Variants in AGBL1 observed in about 807,000 individuals in gnomAD.
The protein encoded by AGBL1 is AGBL carboxypeptidase 1, also known as cytosolic carboxypeptidase 4.
In AGBL1, 130 loss-of-function variants were observed where a neutral mutation model predicts 118.9. That is an observed-to-expected ratio of 1.09 (90% CI 0.95 to 1.26). The LOEUF is 1.26. Ranked by LOEUF, AGBL1 falls within the 50% of genes most tolerant of loss-of-function variation. The pLI, the probability that AGBL1 is intolerant of heterozygous loss-of-function variation, is 0.00. For missense variants in AGBL1, 1,584 were observed against 1,298.1 expected, an observed-to-expected ratio of 1.22 and a Z score of -3.38; for synonymous variants, 555 against 478.9, an observed-to-expected ratio of 1.16 and a Z score of -2.08.
At chr15:86,185,963 C>G (rs1253721883) in intron 5 of AGBL1, among the ~76,000 whole-genome samples, 5 of 151,996 alleles carry the variant, frequency 3.3e-5, no homozygotes, top group Admixed American at 6.6e-5. Flanking sequence ...AATTTTTTTT[C>G]TCTCTCAAGT....
chr15:86,744,665 C>G (rs1415733708), intron 22 of AGBL1, among the ~76,000 whole-genome samples: 1 of 152,118 alleles, frequency 6.6e-6, no homozygotes, highest in South Asian at 2.1e-4. Context: ...TAGATCAGCT[C>G]TCCCTTCCCC....
intron 22 of AGBL1, among the ~76,000 whole-genome samples, chr15:86,765,592 C>T (rs898432468): frequency 1.6e-4 from 24 of 152,020 alleles, no homozygotes; most frequent in African/African-American, 5.8e-4. Context: ...TTACGATTCC[C>T]TGGAGCTTTA....
chr15:86,506,018 A>G lies in AGBL1; in HGVS notation c.2556-16792A>G, dbSNP rs530666855. 2.0e-5 allele frequency among the ~76,000 whole-genome samples: 3 copies of G among 152,186 alleles called. No individual in the cohort carries two copies. In the South Asian group the frequency reaches 6.2e-4, roughly 32 times the overall value. ...CAGCCATTAAAGTCTTTGCTTGGCT[A>G]GCTTAGTGGTCTTCTAATGATTAGA... On this transcript the variant is annotated intron_variant, in intron 18 of 22. Coordinates refer to ENST00000614907, the MANE Select transcript of AGBL1 (RefSeq NM_001386094.1).
chr15:86,371,600 T>G (rs1432312140), intron 17 of AGBL1, among the ~76,000 whole-genome samples: 1 of 152,150 alleles, frequency 6.6e-6, no homozygotes, highest in East Asian at 1.9e-4. Flanking sequence ...TTATACGTCA[T>G]TATTATGTGT....
At chr15:86,892,648 C>T (rs2080068217) in intron 22 of AGBL1, among the ~76,000 whole-genome samples, 1 of 152,130 alleles carries the variant, frequency 6.6e-6, no homozygotes, top group Non-Finnish European at 1.5e-5. Flanking sequence ...TGGCCAAGCA[C>T]CTGGCACACA....
intron 19 of AGBL1, among the ~76,000 whole-genome samples, chr15:86,534,112 TAAAAAAAAAAAA>T (rs61563504): frequency 1.0e-5 from 1 of 96,520 alleles, no homozygotes; most frequent in South Asian, 4.1e-4. Flanking sequence ...TAAAGTATAA[TAAAAAAAAAAAA>T]AAAAAAAAAA....
At chr15:86,994,911 G>A (rs761039970) in intron 24 of AGBL1, among the ~76,000 whole-genome samples, 4 of 152,124 alleles carry the variant, frequency 2.6e-5, no homozygotes, top group Non-Finnish European at 5.9e-5. Flanking sequence ...GACCCATACA[G>A]TAAAATATGA....
Position 86,264,567 on chromosome 15 carries a change from G to A in AGBL1, c.1396G>A (p.Asp466Asn), listed in dbSNP as rs1035455281. The A allele has an allele frequency of 1.2e-6, 2 of 1,613,930 alleles. No individual in the cohort carries two copies. Among genetic ancestry groups the A allele is most frequent in the African/African-American group, 1.3e-5 (1 of 74,944 alleles). Residue 466 changes from aspartate (D) to asparagine (N), a missense_variant, in exon 11 of 23, where the codon GAT becomes AAT. Asp to Asn is a conservative substitution (Grantham distance 23). Transcript: ENST00000614907. ...IPDIQASPKA[D>N]AWDVDAIFCP... ...TGACATTCAGGCTTCCCCGAAAGCAGATGCCTGGGACGTAGATGCAATTTT... is the reference window on the plus strand; with the variant it reads ...TGACATTCAGGCTTCCCCGAAAGCAAATGCCTGGGACGTAGATGCAATTTT...
chr15:86,975,120 T>C (rs72757463), intron 23 of AGBL1, among the ~76,000 whole-genome samples: 4 of 151,924 alleles, frequency 2.6e-5, no homozygotes, highest in Non-Finnish European at 4.4e-5. Flanking sequence ...AGAGATAAAA[T>C]GTCCCACAGT....
intron 21 of AGBL1, among the ~76,000 whole-genome samples, chr15:86,565,012 T>G (rs2083890724): frequency 6.6e-6 from 1 of 152,234 alleles, no homozygotes. Context: ...CTACACTAGT[T>G]ATTCTAGTTA....
intron 17 of AGBL1, among the ~76,000 whole-genome samples, chr15:86,343,993 C>T (rs1380128506): frequency 6.6e-6 from 1 of 152,194 alleles, no homozygotes; most frequent in African/African-American, 2.4e-5. Flanking sequence ...ACCTATATTT[C>T]ACAAGGTAGC....
chr15:86,142,525 C>T (rs890415896), intron 2 of AGBL1, among the ~76,000 whole-genome samples: 18 of 152,222 alleles, frequency 1.2e-4, no homozygotes, highest in Admixed American at 4.6e-4. Flanking sequence ...TGCTTCTATT[C>T]GCTCAAGTTC....
intron 22 of AGBL1, among the ~76,000 whole-genome samples, chr15:86,680,575 T>C (rs1160342041): frequency 7.1e-6 from 1 of 141,808 alleles, no homozygotes; most frequent in African/African-American, 2.6e-5. Context: ...CTTTTTTTTT[T>C]TTTTTTTTTT....
intron 18 of AGBL1, among the ~76,000 whole-genome samples, chr15:86,465,525 C>G (rs974081679): frequency 2.0e-5 from 3 of 152,108 alleles, no homozygotes; most frequent in African/African-American, 7.2e-5. Context: ...TTTCAGAAAG[C>G]GAATAGGAGA....
intron 22 of AGBL1, among the ~76,000 whole-genome samples, chr15:86,694,542 C>G (rs953598068): frequency 6.6e-6 from 1 of 151,980 alleles, no homozygotes; most frequent in African/African-American, 2.4e-5. Context: ...CATCAGCAAA[C>G]AGCAATAGTT....
At chr15:86,114,173 T>C (rs1321824458) in intron 1 of AGBL1, among the ~76,000 whole-genome samples, 1 of 152,230 alleles carries the variant, frequency 6.6e-6, no homozygotes, top group Non-Finnish European at 1.5e-5. Context: ...ATTAAGGGAC[T>C]CTTTATATAT....
intron 11 of AGBL1, among the ~76,000 whole-genome samples, chr15:86,265,230 A>G (rs1483638821): frequency 6.6e-6 from 1 of 152,180 alleles, no homozygotes; most frequent in Non-Finnish European, 1.5e-5. Context: ...CTTCCTACAA[A>G]TTGATAGGGG....
At chr15:87,022,415 A>T (rs113651889) in intron 24 of AGBL1, among the ~76,000 whole-genome samples, 5,814 of 152,204 alleles carry the variant, frequency 0.038, 379 homozygotes, top group African/African-American at 0.13. Context: ...AAGAAAAAAG[A>T]GTAAGAAAAT....
chr15:86,434,167 G>T (rs2081973002), intron 18 of AGBL1, among the ~76,000 whole-genome samples: 1 of 152,212 alleles, frequency 6.6e-6, no homozygotes, highest in Admixed American at 6.5e-5. Context: ...CCTTTTTGAT[G>T]ACTGTGCTAA....
Sources: allele counts gnomAD v4.1 joint callset (sites outside exome capture counted in the v4.1 genomes callset), GRCh38; gene constraint gnomAD v4.1.1; transcripts MANE v1.5; gene names NCBI Gene and HGNC (gene_info 2026-07-23, HGNC 2026-07-21).